IQGAP3: variants seen among roughly 807,000 people sequenced by gnomAD.
IQGAP3 encodes ras GTPase-activating-like protein IQGAP3.
In IQGAP3, 165 loss-of-function variants were observed where a neutral mutation model predicts 208.2. The ratio of observed to expected loss-of-function variants is 0.79; its 90% CI spans 0.70 to 0.90. The LOEUF is 0.90. Ranked by LOEUF, IQGAP3 falls within the 40% of genes least tolerant of loss-of-function variation. The probability of loss-of-function intolerance (pLI) is 0.00; values close to 1 mark genes in which losing one functional copy is unlikely to be tolerated. For synonymous variants in IQGAP3, 703 were observed against 803.6 expected (o/e 0.87, Z 2.12); for missense variants, 1,811 against 2,043.1 (o/e 0.89, Z 2.19).
At chr1:156,527,834 G>A (rs967593578) in intron 37 of IQGAP3, 118 bp downstream of exon 37, 19 of 673,690 alleles carry the variant, frequency 2.8e-5, no homozygotes, top group East Asian at 2.6e-4. Context: ...GATACTGATT[G>A]GGTGAAAAAC....
At position 156,554,238 on chromosome 1, in the gene IQGAP3, T is replaced by TG; in HGVS notation, c.1444dup (p.Gln482ProfsTer18). The TG allele has an allele frequency of 2.5e-6, 4 of 1,606,126 alleles. No individual in the cohort carries two copies. Among genetic ancestry groups the TG allele is most frequent in the Non-Finnish European group, 3.4e-6 (4 of 1,177,244 alleles). On this transcript the variant is annotated frameshift_variant, in exon 13 of 38. Transcript: ENST00000361170. LOFTEE classifies it high-confidence loss of function. ...TGTGTGGCTAAGCCTTTCTCACCGCTGGGCATTTTCTCCTTCCACCTCAGC... is the reference window on the plus strand; with the variant it reads ...TGTGTGGCTAAGCCTTTCTCACCGCTGGGGCATTTTCTCCTTCCACCTCAGC...
At chr1:156,533,213 TC>T in intron 31 of IQGAP3, 107 bp from the exon 32 acceptor site, 1 of 1,399,886 alleles carries the variant, frequency 7.1e-7, no homozygotes. Flanking sequence ...AATCAGCTGC[TC>T]CACATGCCCC....
At chr1:156,527,111 G>A (rs370651978) in intron 37 of IQGAP3, among the ~76,000 whole-genome samples, 2 of 151,846 alleles carry the variant, frequency 1.3e-5, no homozygotes, top group South Asian at 2.1e-4. Context: ...GATTACAGGC[G>A]TGAGCCACTG....
At position 156,538,890 on chromosome 1, in the gene IQGAP3, T is replaced by A; in HGVS notation, c.3200A>T (p.Lys1067Ile). 6.2e-7 allele frequency: 1 copy of A among 1,614,164 alleles called. No individual in the cohort carries two copies. Among genetic ancestry groups the A allele is most frequent in the Non-Finnish European group, 8.5e-7 (1 of 1,180,030 alleles). Residue 1067 changes from lysine to isoleucine, a missense_variant, in exon 26 of 38, where the codon AAA (lysine) becomes ATA (isoleucine). Transcript: ENST00000361170. ...AGGGTCTGTGTGGACGCTGAGCACT[T>A]TGTCTTCTAGCACATCCTGGATAAC... ...GKVIQDVLED[K>I]VLSVHTDPVH...
intron 15 of IQGAP3, among the ~76,000 whole-genome samples, chr1:156,550,799 C>G (rs776310119): frequency 6.6e-6 from 1 of 152,180 alleles, no homozygotes; most frequent in Non-Finnish European, 1.5e-5. Context: ...CCCTTACCTT[C>G]TCTTTCCTTT....
chr1:156,572,021 A>G (rs1195907463), intron 1 of IQGAP3, among the ~76,000 whole-genome samples: 1 of 152,226 alleles, frequency 6.6e-6, no homozygotes, highest in African/African-American at 2.4e-5. Context: ...GCTCTGGGAC[A>G]GGTCCCAGGA....
intron 11 of IQGAP3, among the ~76,000 whole-genome samples, chr1:156,557,932 G>A (rs1313362421): frequency 1.4e-4 from 2 of 14,714 alleles, no homozygotes; most frequent in Non-Finnish European, 1.9e-4. Context: ...GGAGGTGGGG[G>A]GGTCAGCCCC....
At chr1:156,563,903 A>G in intron 5 of IQGAP3, 79 bp from the exon 6 acceptor site, 1 of 1,180,872 alleles carries the variant, frequency 8.5e-7, no homozygotes, top group Admixed American at 2.0e-5. Context: ...TTTGAAGGGG[A>G]TACTATGGGG....
intron 27 of IQGAP3, 112 bp from the exon 28 acceptor site, chr1:156,535,359 G>T: frequency 1.4e-6 from 1 of 725,868 alleles, no homozygotes; most frequent in East Asian, 2.6e-5. Flanking sequence ...AGCCACTCCA[G>T]AGTAGAGCTC....
rs1214210397 is a variant in IQGAP3, at chr1:156,537,326, G to C, written c.3282-5C>G. 5 of 1,609,336 alleles carry C rather than the reference G, an allele frequency of 3.1e-6. No homozygotes were observed. The South Asian group carries it at 5.5e-5, about 18-fold the overall frequency. ...GTGACATCATATGGGAGATGGCTATGAGCAGAGAGAGACAAGGTGTAAGCA... is the reference window on the plus strand; with the variant it reads ...GTGACATCATATGGGAGATGGCTATCAGCAGAGAGAGACAAGGTGTAAGCA... On this transcript the variant is annotated splice_polypyrimidine_tract_variant and splice_region_variant and intron_variant, in intron 26 of 37. Transcript: ENST00000361170.
rs757801269 is a variant in IQGAP3 at position 156,538,927 on chromosome 1, T to A, written c.3163A>T (p.Ile1055Phe). ...NGRGQSALQE[I>F]LGKVIQDVLE... Reference sequence around the variant, plus strand: ...ACATCCTGGATAACCTTGCCCAGAATCTCCTGCAGGGCACTCTGTCCCCGC... The same window carrying A: ...ACATCCTGGATAACCTTGCCCAGAAACTCCTGCAGGGCACTCTGTCCCCGC... Residue 1055 changes from isoleucine to phenylalanine, a missense_variant, in exon 26 of 38, where the codon ATT becomes TTT. By Grantham distance (21) the Ile-to-Phe change is conservative. Transcript: ENST00000361170. 2 of 1,614,120 alleles carry A rather than the reference T, an allele frequency of 1.2e-6. No homozygotes were observed. The highest frequency in any genetic ancestry group is 1.7e-6 in the Non-Finnish European group (2 of 1,179,994).
At chr1:156,569,180 C>T (rs1571369875) in intron 2 of IQGAP3, among the ~76,000 whole-genome samples, 196 bp downstream of exon 2, 3 of 151,382 alleles carry the variant, frequency 2.0e-5, no homozygotes, top group Admixed American at 2.0e-4. Context: ...TTTGGAGATA[C>T]ATATTGCGGT....
rs190799743 is a variant in IQGAP3, at chr1:156,527,045, C to A, written c.4783-446G>T. On this transcript the variant is annotated intron_variant, in intron 37 of 37. Transcript: ENST00000361170. ...ACAGGGTTTCACTATATTGGCCAGG[C>A]TGGTCTTGAACTGCTGACCTCGTGA... Among the ~76,000 whole-genome samples, 431 of 151,294 alleles carry A rather than the reference C, an allele frequency of 2.8e-3. 18 individuals carry two copies. In the East Asian group the frequency reaches 0.07, roughly 25 times the overall value.
At chr1:156,549,343 C>T (rs373264145) in intron 16 of IQGAP3, among the ~76,000 whole-genome samples, 10 of 151,546 alleles carry the variant, frequency 6.6e-5, no homozygotes, top group East Asian at 1.9e-4. Context: ...TGGTGGTGGG[C>T]GCCTATAATC....
chr1:156,533,317 C>A (rs1316344970), intron 31 of IQGAP3, among the ~76,000 whole-genome samples: 2 of 152,114 alleles, frequency 1.3e-5, no homozygotes, highest in African/African-American at 2.4e-5. Context: ...ACAGAGCATA[C>A]CCTTGTGTTA....
chr1:156,537,023 C>A, intron 27 of IQGAP3, 158 bp downstream of exon 27: 1 of 705,448 alleles, frequency 1.4e-6, no homozygotes, highest in Middle Eastern at 4.2e-4. Flanking sequence ...GAGCTTCGAG[C>A]ATTCCCCACA....
At chr1:156,560,519 A>G (rs762016097) in intron 11 of IQGAP3, among the ~76,000 whole-genome samples, 18 of 152,208 alleles carry the variant, frequency 1.2e-4, no homozygotes, top group Non-Finnish European at 2.2e-4. Context: ...TCAAACAAAA[A>G]CAAAAACAAA....
chr1:156,530,192 G>A lies in IQGAP3; in HGVS notation c.4317C>T (p.Arg1439=), dbSNP rs568433536. The A allele has an allele frequency of 1.2e-5, 19 of 1,612,684 alleles. No individual in the cohort carries two copies. Among genetic ancestry groups the A allele is most frequent in the Admixed American group, 1.7e-5 (1 of 59,774 alleles). ...SLLPLAEKQR[R]VLRNLRRLEA... ...CAAGTCGGCGTAGGTTCCGCAGGACGCGCCGCTGCTTCTCTGCCAGTGGCA... is the reference window on the plus strand; with the variant it reads ...CAAGTCGGCGTAGGTTCCGCAGGACACGCCGCTGCTTCTCTGCCAGTGGCA... Residue 1439 remains arginine, a synonymous_variant, in exon 34 of 38, where the codon CGC becomes CGT. Transcript: ENST00000361170.
chr1:156,563,508 A>G, intron 7 of IQGAP3, 45 bp downstream of exon 7: 1 of 1,518,758 alleles, frequency 6.6e-7, no homozygotes, highest in East Asian at 2.3e-5. Flanking sequence ...GAGCCCTCCC[A>G]TACGCATTGA....
Sources: gnomAD v4.1 joint callset for allele counts (sites outside exome capture counted in the v4.1 genomes callset) on GRCh38, gnomAD v4.1.1 for gene constraint, MANE v1.5 for transcripts, NCBI Gene and HGNC (gene_info 2026-07-23, HGNC 2026-07-21) for gene names.